The following CNTN3 variants were observed in gnomAD, a reference collection of about 807,000 sequenced individuals.
CNTN3 encodes the protein contactin 3.
In CNTN3, 60 loss-of-function variants were observed where a neutral mutation model predicts 119.1. The observed-to-expected ratio is 0.50, with a 90% CI of 0.41 to 0.62. CNTN3 has a LOEUF of 0.62. CNTN3 is among the 20% of genes least tolerant of loss of function. CNTN3 has a pLI of 0.00. For missense variants in CNTN3, 1,101 were observed against 1,242.4 expected (o/e 0.89, Z 1.71); for synonymous variants, 450 against 438.7 (o/e 1.03, Z -0.32).
chr3:74,441,219 T>C (rs1353172812), intron 4 of CNTN3, among the ~76,000 whole-genome samples: 3 of 152,156 alleles, frequency 2.0e-5, no homozygotes, highest in African/African-American at 4.8e-5. Flanking sequence ...ATACAGTTTT[T>C]TGAGAAAAGA....
chr3:74,352,935 A>C (rs471213), intron 11 of CNTN3, among the ~76,000 whole-genome samples: 7,188 of 152,048 alleles, frequency 0.047, 200 homozygotes, highest in Middle Eastern at 0.065. Flanking sequence ...TGATGGGTAG[A>C]CCACGGATGT....
At chr3:74,525,198 A>G (rs895235668) in intron 1 of CNTN3, among the ~76,000 whole-genome samples, 2 of 151,948 alleles carry the variant, frequency 1.3e-5, no homozygotes, top group Non-Finnish European at 2.9e-5. Context: ...ATTCGTAGAA[A>G]TTAGAAACTA....
intron 1 of CNTN3, among the ~76,000 whole-genome samples, chr3:74,597,989 T>C (rs1704841661): frequency 6.6e-6 from 1 of 152,002 alleles, no homozygotes. Flanking sequence ...AAAGGAAATA[T>C]GTGGGCTCAA....
At chr3:74,512,244 A>C (rs1703378893) in intron 2 of CNTN3, among the ~76,000 whole-genome samples, 1 of 152,190 alleles carries the variant, frequency 6.6e-6, no homozygotes, top group African/African-American at 2.4e-5. Flanking sequence ...TATTCACTAT[A>C]GCCTCCTATA....
rs140234988 is a variant in CNTN3 at position 74,357,296 on chromosome 3, T to C, written c.1364+4594A>G. Among the ~76,000 whole-genome samples, 774 of 151,874 alleles carry C rather than the reference T, an allele frequency of 5.1e-3. 12 individuals are homozygous for C. Among genetic ancestry groups the C allele is most frequent in the African/African-American group, 0.018 (736 of 41,342 alleles). ...CAGTTTATCCAATTATTATTATTTT[T>C]TTAATAGAAGGAGTTTCCCTCTTGT... On this transcript the variant is annotated intron_variant, in intron 11 of 22. Transcript: ENST00000263665.
At chr3:74,554,404 T>C (rs1256341067) in intron 1 of CNTN3, among the ~76,000 whole-genome samples, 1 of 151,140 alleles carries the variant, frequency 6.6e-6, no homozygotes, top group Non-Finnish European at 1.5e-5. Context: ...TATGGGGCTC[T>C]TTTTTGGTTT....
intron 5 of CNTN3, among the ~76,000 whole-genome samples, chr3:74,416,666 T>C (rs1338062064): frequency 6.6e-6 from 1 of 152,090 alleles, no homozygotes; most frequent in Non-Finnish European, 1.5e-5. Context: ...CTATAATGTT[T>C]GTGAGCACAG....
At chr3:74,493,079 T>C (rs999796276) in intron 3 of CNTN3, among the ~76,000 whole-genome samples, 1 of 152,258 alleles carries the variant, frequency 6.6e-6, no homozygotes, top group Non-Finnish European at 1.5e-5. Context: ...ATAGAGGGAA[T>C]TAATACATCA....
intron 5 of CNTN3, among the ~76,000 whole-genome samples, chr3:74,396,119 G>C (rs188849954): frequency 6.6e-6 from 1 of 152,078 alleles, no homozygotes; most frequent in Non-Finnish European, 1.5e-5. Context: ...AGACATAACA[G>C]TATTGAAATT....
In CNTN3 at chr3:74,559,958, T is replaced by C. The variant is rs189203595; in HGVS notation, c.-80-38766A>G. Among the ~76,000 whole-genome samples, 630 of 152,258 alleles carry C rather than the reference T, an allele frequency of 4.1e-3. 1 individual carries two copies. Among genetic ancestry groups the C allele is most frequent in the Non-Finnish European group, 6.9e-3 (471 of 68,016 alleles). ...AAAATATTTCACCTAGTTCAGAATA[T>C]GCACCTCCAAGGAAACTAACATCAT... On this transcript the variant is annotated intron_variant, in intron 1 of 22. Transcript: ENST00000263665.
intron 1 of CNTN3, among the ~76,000 whole-genome samples, chr3:74,551,027 C>T (rs1450426313): frequency 6.6e-6 from 1 of 152,206 alleles, no homozygotes; most frequent in Non-Finnish European, 1.5e-5. Flanking sequence ...AGGAAACCAA[C>T]ATGCCACTTG....
At chr3:74,518,800 T>C (rs116147437) in intron 2 of CNTN3, among the ~76,000 whole-genome samples, 2,826 of 151,996 alleles carry the variant, frequency 0.019, 88 homozygotes, top group African/African-American at 0.063. Flanking sequence ...TTGAAAGCAT[T>C]TGAAGATGTG....
chr3:74,414,678 T>C lies in CNTN3; in HGVS notation c.454+10167A>G, dbSNP rs141019343. On this transcript the variant is annotated intron_variant, in intron 5 of 22. Coordinates refer to ENST00000263665, the MANE Select transcript of CNTN3 (RefSeq NM_020872.3). Reference sequence around the variant, plus strand: ...TGCCCTATGACCAAAAACACTTGATTTGGACTTTATCTGTGTAAGAAATAT... The same window carrying C: ...TGCCCTATGACCAAAAACACTTGATCTGGACTTTATCTGTGTAAGAAATAT... 1.1e-3 allele frequency among the ~76,000 whole-genome samples: 169 copies of C among 152,220 alleles called. 1 individual carries two copies. The highest frequency in any genetic ancestry group is 3.9e-3 in the African/African-American group (164 of 41,572).
chr3:74,566,898 T>C (rs891763637), intron 1 of CNTN3, among the ~76,000 whole-genome samples: 2 of 152,130 alleles, frequency 1.3e-5, no homozygotes, highest in African/African-American at 4.8e-5. Context: ...AAGAAGGTGA[T>C]GGAACAAATA....
At chr3:74,445,582 C>T (rs1421702066) in intron 4 of CNTN3, among the ~76,000 whole-genome samples, 1 of 152,078 alleles carries the variant, frequency 6.6e-6, no homozygotes, top group Admixed American at 6.6e-5. Context: ...AGTAGAAATG[C>T]TTTAATAAGA....
chr3:74,586,362 A>G (rs1357402225), intron 1 of CNTN3, among the ~76,000 whole-genome samples: 6 of 152,160 alleles, frequency 3.9e-5, no homozygotes, highest in Non-Finnish European at 7.4e-5. Context: ...ATAAACTTCT[A>G]TACCTGGACT....
intron 5 of CNTN3, among the ~76,000 whole-genome samples, chr3:74,374,956 T>C (rs895580389): frequency 1.3e-5 from 2 of 152,126 alleles, no homozygotes; most frequent in Non-Finnish European, 2.9e-5. Context: ...TATAAAACTG[T>C]CCAGAAAATA....
chr3:74,490,461 GT>G (rs1200309837), intron 3 of CNTN3, among the ~76,000 whole-genome samples: 1 of 152,100 alleles, frequency 6.6e-6, no homozygotes, highest in Non-Finnish European at 1.5e-5. Flanking sequence ...GTGTTTTTCT[GT>G]TTAGCTGAAG....
intron 4 of CNTN3, among the ~76,000 whole-genome samples, chr3:74,477,718 A>G (rs1267586947): frequency 6.6e-6 from 1 of 152,150 alleles, no homozygotes; most frequent in African/African-American, 2.4e-5. Flanking sequence ...AACACGAAGG[A>G]TAAATGCTGG....
Sources: gnomAD v4.1 joint callset for allele counts (sites outside exome capture counted in the v4.1 genomes callset) on GRCh38, gnomAD v4.1.1 for gene constraint, MANE v1.5 for transcripts, NCBI Gene and HGNC (gene_info 2026-07-23, HGNC 2026-07-21) for gene names.